EVI5: variants seen among roughly 807,000 people sequenced by gnomAD.
The protein encoded by EVI5 is ecotropic viral integration site 5 protein homolog.
In EVI5, 73 loss-of-function variants were observed where a neutral mutation model predicts 112.0. That is an observed-to-expected ratio of 0.65 (90% CI 0.54 to 0.79). The LOEUF is 0.79. Among genes scored for constraint, EVI5 ranks in the 30% least tolerant of loss-of-function variants. The probability of loss-of-function intolerance (pLI) is 0.00; values close to 1 mark genes in which losing one functional copy is unlikely to be tolerated. For missense variants in EVI5, 900 were observed against 968.8 expected (o/e 0.93, Z 0.94); for synonymous variants, 305 against 319.9 (o/e 0.95, Z 0.50).
intron 13 of EVI5, among the ~76,000 whole-genome samples, chr1:92,652,431 A>G (rs1662294180): frequency 6.6e-6 from 1 of 152,232 alleles, no homozygotes; most frequent in Non-Finnish European, 1.5e-5. Context: ...AGATGGCTGC[A>G]CAATATTATA....
At chr1:92,785,437 T>TCCAGGAGCC (rs1685528639), upstream of EVI5, among the ~76,000 whole-genome samples, 2 of 152,120 alleles carry the variant, frequency 1.3e-5, no homozygotes, top group South Asian at 4.1e-4. Flanking sequence ...GAGCCTGACT[T>TCCAGGAGCC]TCAGGGCCCT....
At chr1:92,725,697 T>C (rs1015045851) in intron 2 of EVI5, among the ~76,000 whole-genome samples, 1 of 145,934 alleles carries the variant, frequency 6.9e-6, no homozygotes, top group African/African-American at 2.6e-5. Flanking sequence ...TACTCAAGCC[T>C]GGGTGACAGA....
intron 13 of EVI5, among the ~76,000 whole-genome samples, chr1:92,650,167 T>G (rs1442700499): frequency 6.6e-6 from 1 of 152,216 alleles, no homozygotes; most frequent in Non-Finnish European, 1.5e-5. Context: ...CAAGGCCACT[T>G]GCAATTCCAT....
chr1:92,649,354 C>G (rs1356800814), intron 13 of EVI5, among the ~76,000 whole-genome samples: 1 of 152,196 alleles, frequency 6.6e-6, no homozygotes, highest in Non-Finnish European at 1.5e-5. Flanking sequence ...CTTTGATGCA[C>G]AAAAAGTTTT....
chr1:92,509,409 AAAACAAACAAAC>A lies in EVI5; in HGVS notation c.*4235_*4246del, dbSNP rs562974717. The A allele has an allele frequency of 2.6e-5, 4 of 152,946 alleles. No individual in the cohort carries two copies. Among genetic ancestry groups the A allele is most frequent in the East Asian group, 3.8e-4 (2 of 5,198 alleles). The allele number at this position is 152,946 out of a possible 1,614,324, so 9.5% of individuals were successfully genotyped here. A position where few individuals can be genotyped will look rare whatever the true frequency, so the allele number is the denominator to read the frequency against. The stretch of plus-strand genomic sequence containing the variant: ...CACTGAATACCTAGTATCTAGCCAA[AAAACAAACAAAC>A]AAACAAACAAACAAAAAAGACGGTG... On this transcript the variant is annotated 3_prime_UTR_variant, in exon 20 of 20. Transcript: ENST00000684568.
intron 1 of EVI5, among the ~76,000 whole-genome samples, chr1:92,746,255 T>C (rs1456612271): frequency 1.3e-5 from 2 of 152,250 alleles, no homozygotes; most frequent in African/African-American, 4.8e-5. Flanking sequence ...AATCGTTCTT[T>C]GCTCAATTAA....
intron 18 of EVI5, among the ~76,000 whole-genome samples, chr1:92,597,374 T>C (rs1648153304): frequency 6.6e-6 from 1 of 152,236 alleles, no homozygotes; most frequent in Admixed American, 6.5e-5. Flanking sequence ...CTGATAATAG[T>C]TGGCATCTTC....
intron 10 of EVI5, among the ~76,000 whole-genome samples, chr1:92,673,722 C>T (rs1452242578): frequency 6.6e-6 from 1 of 152,106 alleles, no homozygotes; most frequent in Non-Finnish European, 1.5e-5. Flanking sequence ...TTTCTATTAA[C>T]AAAAAATTTC....
chr1:92,706,903 C>T (rs775579386), intron 2 of EVI5, among the ~76,000 whole-genome samples: 18 of 152,144 alleles, frequency 1.2e-4, no homozygotes, highest in Non-Finnish European at 8.8e-5. Context: ...AAACCATGGC[C>T]GGGCGTGGTG....
At chr1:92,586,232 C>T (rs3898499) in intron 18 of EVI5, among the ~76,000 whole-genome samples, 140,232 of 152,214 alleles carry the variant, frequency 0.92, 64,684 homozygotes, top group East Asian at 0.97. Context: ...TCTTTTTGTC[C>T]CCCATACTTT....
At chr1:92,577,876 G>T (rs1449022532) in intron 18 of EVI5, among the ~76,000 whole-genome samples, 2 of 152,188 alleles carry the variant, frequency 1.3e-5, no homozygotes, top group Non-Finnish European at 2.9e-5. Flanking sequence ...TTATCTCAGT[G>T]AAAGTTTTAG....
At chr1:92,542,252 C>G (rs1664937558) in intron 19 of EVI5, among the ~76,000 whole-genome samples, 1 of 152,152 alleles carries the variant, frequency 6.6e-6, no homozygotes. Context: ...GGAGAAGATT[C>G]TAGCTCAAGA....
chr1:92,656,358 A>C (rs1662992635), intron 13 of EVI5, among the ~76,000 whole-genome samples: 1 of 152,104 alleles, frequency 6.6e-6, no homozygotes, highest in East Asian at 1.9e-4. Context: ...GAACATGGAG[A>C]CACAACATAC....
At chr1:92,750,123 T>C (rs1679948312) in intron 1 of EVI5, among the ~76,000 whole-genome samples, 1 of 152,096 alleles carries the variant, frequency 6.6e-6, no homozygotes, top group Admixed American at 6.6e-5. Flanking sequence ...AGGAATAGGA[T>C]ACAAACAAAG....
intron 2 of EVI5, among the ~76,000 whole-genome samples, chr1:92,722,087 T>C (rs987347261): frequency 6.6e-6 from 1 of 152,156 alleles, no homozygotes; most frequent in African/African-American, 2.4e-5. Context: ...CAAATACAAA[T>C]TGTATATATT....
At chr1:92,518,461 A>AT (rs1418513683) in intron 19 of EVI5, among the ~76,000 whole-genome samples, 6 of 152,100 alleles carry the variant, frequency 3.9e-5, no homozygotes, top group African/African-American at 1.4e-4. Flanking sequence ...GGAATCTGGG[A>AT]TTCCCCCCAA....
rs551212188 is a variant in EVI5 at position 92,641,783 on chromosome 1, A to T, written c.1393-5447T>A. ...CTACCACATGCTGTAAACAGGATTTAAAAAAACCCAAGCAATACTGTTGTA... is the reference window on the plus strand; with the variant it reads ...CTACCACATGCTGTAAACAGGATTTTAAAAAACCCAAGCAATACTGTTGTA... On this transcript the variant is annotated intron_variant, in intron 13 of 19. Transcript: ENST00000684568. Among the ~76,000 whole-genome samples, 64 of 152,274 alleles carry T rather than the reference A, an allele frequency of 4.2e-4. 1 individual carries two copies. Among genetic ancestry groups the T allele is most frequent in the African/African-American group, 1.3e-3 (55 of 41,568 alleles).
At chr1:92,558,479 A>C (rs1222638688) in intron 19 of EVI5, among the ~76,000 whole-genome samples, 1 of 152,162 alleles carries the variant, frequency 6.6e-6, no homozygotes, top group African/African-American at 2.4e-5. Flanking sequence ...CAATTACTCA[A>C]GCCAAAACTC....
chr1:92,546,537 A>G (rs1665737147), intron 19 of EVI5, among the ~76,000 whole-genome samples: 1 of 152,162 alleles, frequency 6.6e-6, no homozygotes, highest in South Asian at 2.1e-4. Flanking sequence ...TCTCTACTAA[A>G]AATATAAAAT....
Sources: gnomAD v4.1 joint callset for allele counts (sites outside exome capture counted in the v4.1 genomes callset) on GRCh38, gnomAD v4.1.1 for gene constraint, MANE v1.5 for transcripts, NCBI Gene and HGNC (gene_info 2026-07-23, HGNC 2026-07-21) for gene names.